The following PRKN variants were observed in gnomAD, a reference collection of about 807,000 sequenced individuals.
PRKN encodes parkin RBR E3 ubiquitin protein ligase.
Under a neutral mutation model 59.5 loss-of-function variants are expected in PRKN, and 56 were observed. That is an observed-to-expected ratio of 0.94 (90% CI 0.76 to 1.18). The LOEUF (loss-of-function observed/expected upper bound fraction) is 1.18. Among genes scored for constraint, PRKN ranks in the 50% most tolerant of loss-of-function variants. The pLI is 0.00. For missense variants in PRKN, 657 were observed against 596.4 expected (o/e 1.10, Z -1.06); for synonymous variants, 250 against 222.1 (o/e 1.13, Z -1.12).
intron 5 of PRKN, among the ~76,000 whole-genome samples, chr6:162,016,324 C>T (rs1247920256): frequency 1.3e-5 from 2 of 152,026 alleles, no homozygotes; most frequent in Non-Finnish European, 2.9e-5. Context: ...TTTTTTCCAT[C>T]ACTCACTTTC....
At chr6:162,109,701 T>C (rs2128301821) in intron 4 of PRKN, among the ~76,000 whole-genome samples, 1 of 152,342 alleles carries the variant, frequency 6.6e-6, no homozygotes, top group South Asian at 2.1e-4. Context: ...GGAGCTGTCT[T>C]GGCCAAGCTC....
At chr6:162,051,969 G>T (rs1461819714) in intron 5 of PRKN, among the ~76,000 whole-genome samples, 1 of 152,160 alleles carries the variant, frequency 6.6e-6, no homozygotes, top group Non-Finnish European at 1.5e-5. Flanking sequence ...GTGGACTGTG[G>T]TATCCAAAGT....
At chr6:161,666,287 G>T (rs529111497) in intron 7 of PRKN, among the ~76,000 whole-genome samples, 22 of 152,170 alleles carry the variant, frequency 1.4e-4, no homozygotes, top group Non-Finnish European at 2.5e-4. Context: ...TCCACCTCTT[G>T]TCAGATCAGT....
chr6:162,655,572 T>C (rs984980294), intron 1 of PRKN, among the ~76,000 whole-genome samples: 2 of 152,182 alleles, frequency 1.3e-5, no homozygotes, highest in Admixed American at 6.5e-5. Context: ...TAAGTTACAG[T>C]ACTGCCAGAA....
At chr6:161,805,609 G>A (rs566581780) in intron 6 of PRKN, among the ~76,000 whole-genome samples, 61 of 152,188 alleles carry the variant, frequency 4.0e-4, no homozygotes, top group African/African-American at 1.4e-3. Context: ...CAGGCCCTCC[G>A]ATGGCCATCA....
intron 2 of PRKN, among the ~76,000 whole-genome samples, chr6:162,414,150 T>TC (rs1788492238): frequency 1.3e-5 from 2 of 152,040 alleles, no homozygotes; most frequent in Non-Finnish European, 2.9e-5. Flanking sequence ...GCCACTGCAC[T>TC]CCAGCCTGGG....
intron 1 of PRKN, among the ~76,000 whole-genome samples, chr6:162,607,760 T>C (rs951375880): frequency 3.3e-5 from 5 of 152,234 alleles, no homozygotes; most frequent in Admixed American, 2.0e-4. Flanking sequence ...TTTATTTGCT[T>C]GGTATCAGGA....
chr6:161,556,061 G>A (rs1221338107), intron 8 of PRKN, among the ~76,000 whole-genome samples: 1 of 152,162 alleles, frequency 6.6e-6, no homozygotes, highest in African/African-American at 2.4e-5. Context: ...AGAAGTTAAT[G>A]TATGGACAAC....
At chr6:162,568,431 G>T in intron 1 of PRKN, 1 of 597,124 alleles carries the variant, frequency 1.7e-6, no homozygotes. Context: ...TCTATGGGCA[G>T]CAGCAGCTTC....
intron 11 of PRKN, among the ~76,000 whole-genome samples, chr6:161,351,928 G>A (rs1784567343): frequency 6.6e-6 from 1 of 152,136 alleles, no homozygotes; most frequent in South Asian, 2.1e-4. Flanking sequence ...ACTTATTTTG[G>A]AATTATTCAC....
rs1387970770 is a variant in PRKN, at chr6:161,409,049, G to A, written c.1084-22172C>T. Among the ~76,000 whole-genome samples the A allele has an allele frequency of 1.3e-5, 2 of 152,048 alleles. No homozygotes were observed. Among genetic ancestry groups the A allele is most frequent in the African/African-American group, 2.4e-5 (1 of 41,376 alleles). On this transcript the variant is annotated intron_variant, in intron 9 of 11. Transcript: ENST00000366898. This position sits in a 1 kb window ranked among gnomAD's most constrained non-coding sequence, Gnocchi z 4.6. ...CAACCTCTGCCTCCTGGGTTCAAGC[G>A]ATTCTCCTGCCTCAGCCTCCCAAGT...
rs55699586 is a variant in PRKN at position 161,570,124 on chromosome 6, TAAAAAAA to T, written c.872-715_872-709del. ...TTGTAAAACAAAGTAAGTAAATAGG[TAAAAAAA>T]AAAAAAAAAAAAAAAATATATATAT... On this transcript the variant is annotated intron_variant, in intron 7 of 11. Transcript: ENST00000366898. Among the ~76,000 whole-genome samples the T allele has an allele frequency of 6.4e-3, 330 of 51,422 alleles. 3 individuals carry two copies. Among genetic ancestry groups the T allele is most frequent in the African/African-American group, 0.026 (309 of 12,110 alleles). The allele number at this position is 51,422 out of a possible 152,430, so 33.7% of individuals were successfully genotyped here.
At chr6:162,579,755 T>G (rs376594860) in intron 1 of PRKN, among the ~76,000 whole-genome samples, 2 of 151,012 alleles carry the variant, frequency 1.3e-5, no homozygotes, top group African/African-American at 4.8e-5. Flanking sequence ...TTCACACACA[T>G]TTACAAACAT....
chr6:161,472,961 A>G (rs1790865868), intron 9 of PRKN, among the ~76,000 whole-genome samples: 1 of 152,188 alleles, frequency 6.6e-6, no homozygotes, highest in Admixed American at 6.6e-5. Flanking sequence ...AGCAACTTAT[A>G]CCTGTTAGGA....
chr6:161,826,023 G>C (rs1357345610), intron 6 of PRKN, among the ~76,000 whole-genome samples: 1 of 152,096 alleles, frequency 6.6e-6, no homozygotes, highest in Non-Finnish European at 1.5e-5. Context: ...CAAAGAAAGT[G>C]TCAGCTCTCA....
chr6:161,811,658 C>T (rs914410254), intron 6 of PRKN, among the ~76,000 whole-genome samples: 1 of 152,172 alleles, frequency 6.6e-6, no homozygotes, highest in Non-Finnish European at 1.5e-5. Flanking sequence ...CACGGTGGCT[C>T]ACACCTGTAA....
chr6:161,447,365 T>C lies in PRKN; in HGVS notation c.1084-60488A>G, dbSNP rs990606282. Among the ~76,000 whole-genome samples the C allele has an allele frequency of 2.0e-5, 3 of 152,246 alleles. No homozygotes were observed. The highest frequency in any genetic ancestry group is 4.4e-5 in the Non-Finnish European group (3 of 68,042). ...CAAACCTTTTCAGAACTGAACTCAT[T>C]AGAAATGAATTTACATTTTGATTTA... On this transcript the variant is annotated intron_variant, in intron 9 of 11. Transcript: ENST00000366898. The surrounding 1 kb of genome is among the most constrained non-coding windows in gnomAD (Gnocchi z 4.1).
intron 1 of PRKN, among the ~76,000 whole-genome samples, chr6:162,584,828 CTGTCCCA>C (rs1218887553): frequency 5.7e-4 from 3 of 5,280 alleles, no homozygotes; most frequent in African/African-American, 1.7e-3. Context: ...CTCCCCTCCC[CTGTCCCA>C]TCCCCTCCCC....
chr6:161,477,742 T>G (rs1398003461), intron 9 of PRKN, among the ~76,000 whole-genome samples: 1 of 152,202 alleles, frequency 6.6e-6, no homozygotes, highest in Non-Finnish European at 1.5e-5. Flanking sequence ...AGATACATCA[T>G]GTTATTAGAA....
Sources: gnomAD v4.1 joint callset for allele counts (sites outside exome capture counted in the v4.1 genomes callset) on GRCh38, gnomAD v4.1.1 for gene constraint, Gnocchi (gnomAD v3.1) non-coding constraint, MANE v1.5 for transcripts, NCBI Gene and HGNC (gene_info 2026-07-23, HGNC 2026-07-21) for gene names.